Variants in SP140L observed in about 807,000 individuals in gnomAD.
SP140L encodes the protein SP140 like nuclear body protein.
Under a neutral mutation model 84.3 loss-of-function variants are expected in SP140L, and 64 were observed. The ratio of observed to expected loss-of-function variants is 0.76; its 90% CI spans 0.62 to 0.94. The LOEUF is 0.94. Ranked by LOEUF, SP140L falls within the 40% of genes least tolerant of loss-of-function variation. The pLI is 0.00. For missense variants in SP140L, 628 were observed against 692.5 expected, an observed-to-expected ratio of 0.91 and a Z score of 1.05; for synonymous variants, 242 against 236.9, an observed-to-expected ratio of 1.02 and a Z score of -0.20.
intron 7 of SP140L, 43 bp from the exon 8 acceptor site, chr2:230,383,467 T>G: frequency 6.5e-7 from 1 of 1,534,094 alleles, no homozygotes; most frequent in East Asian, 2.4e-5. Context: ...AATAATTATA[T>G]TTATTCCTCT....
intron 13 of SP140L, among the ~76,000 whole-genome samples, chr2:230,394,114 GA>G (rs1261794662): frequency 6.6e-6 from 1 of 152,202 alleles, no homozygotes; most frequent in Non-Finnish European, 1.5e-5. Context: ...TATTTTACAG[GA>G]GGAGCTGACC....
At chr2:230,395,042 T>G (rs946633529) in intron 13 of SP140L, among the ~76,000 whole-genome samples, 3 of 148,868 alleles carry the variant, frequency 2.0e-5, no homozygotes, top group Admixed American at 2.0e-4. Context: ...TGGAGTGCGG[T>G]GGAGCAATCT....
At chr2:230,400,560 A>G (rs894930650) in intron 15 of SP140L, 1 of 468,656 alleles carries the variant, frequency 2.1e-6, no homozygotes, top group Non-Finnish European at 3.9e-6. Context: ...AAAAAACACC[A>G]GTTGTTTATA....
intron 4 of SP140L, among the ~76,000 whole-genome samples, chr2:230,359,624 A>T (rs527301367): frequency 6.6e-6 from 1 of 152,304 alleles, no homozygotes; most frequent in East Asian, 1.9e-4. Context: ...AATCTGAGTT[A>T]TAAGAGTTAT....
intron 5 of SP140L, among the ~76,000 whole-genome samples, chr2:230,362,442 G>A (rs1298412168): frequency 1.3e-5 from 2 of 152,054 alleles, no homozygotes; most frequent in Admixed American, 1.3e-4. Flanking sequence ...TTCAAGAGCA[G>A]GAATATTCAA....
At position 230,346,939 on chromosome 2, in the gene SP140L, G is replaced by T. The variant is rs762110706; in HGVS notation, c.108-10866G>T. On this transcript the variant is annotated intron_variant, in intron 2 of 18. Transcript: ENST00000415673. ...TCTTTTAGGGGTTTTATTTTTTGCT[G>T]ATTTTTTATGATCCTTGTATCCTCA... 8.5e-5 allele frequency among the ~76,000 whole-genome samples: 13 copies of T among 152,200 alleles called. 2 individuals carry two copies. In the Middle Eastern group the frequency reaches 0.01, roughly 119 times the overall value.
At chr2:230,397,237 G>A (rs7585646) in intron 14 of SP140L, among the ~76,000 whole-genome samples, 40,482 of 152,086 alleles carry the variant, frequency 0.27, 5,761 homozygotes, top group Non-Finnish European at 0.31. Flanking sequence ...CAGGTGGAGC[G>A]AAGATGGTCT....
chr2:230,393,286 TCAGA>T, intron 12 of SP140L, 124 bp from the exon 13 acceptor site: 2 of 991,498 alleles, frequency 2.0e-6, no homozygotes, highest in Non-Finnish European at 2.9e-6. Flanking sequence ...GGTTTCTCAT[TCAGA>T]CACACTGGGT....
intron 14 of SP140L, among the ~76,000 whole-genome samples, chr2:230,397,655 G>A (rs190274663): frequency 6.6e-6 from 1 of 152,120 alleles, no homozygotes; most frequent in Admixed American, 6.5e-5. Flanking sequence ...AACTCCAGGG[G>A]GCAGGACTCA....
intron 2 of SP140L, among the ~76,000 whole-genome samples, chr2:230,332,967 C>A (rs922836256): frequency 5.9e-5 from 9 of 152,120 alleles, no homozygotes; most frequent in Non-Finnish European, 1.0e-4. Flanking sequence ...TGGCTTACCG[C>A]ATTATCCAGT....
chr2:230,358,962 A>C lies in SP140L; in HGVS notation c.271-2A>C, dbSNP rs2060632293. The C allele has an allele frequency of 6.4e-7, 1 of 1,564,776 alleles. No individual in the cohort carries two copies. Among genetic ancestry groups the C allele is most frequent in the Non-Finnish European group, 8.6e-7 (1 of 1,161,970 alleles). ...TATTTTCTCCATTCAATATTTTTAA[A>C]GGATTCTGAAGATTCTTGTAGAAAC... is the stretch of plus-strand genomic sequence containing the variant. On this transcript the variant is annotated splice_acceptor_variant, in intron 3 of 18. Transcript: ENST00000415673. LOFTEE classifies it high-confidence loss of function.
chr2:230,330,762 A>G (rs1206011825), intron 2 of SP140L, among the ~76,000 whole-genome samples: 1 of 152,172 alleles, frequency 6.6e-6, no homozygotes, highest in Non-Finnish European at 1.5e-5. Context: ...CTGAGGTTTC[A>G]TTTAGTCATA....
intron 18 of SP140L, among the ~76,000 whole-genome samples, chr2:230,402,289 T>C (rs1277747357): frequency 1.3e-5 from 2 of 152,186 alleles, no homozygotes; most frequent in East Asian, 1.9e-4. Context: ...ATCTGAATTG[T>C]TGAAAGAACC....
chr2:230,366,454 T>A (rs2060872648), intron 5 of SP140L, among the ~76,000 whole-genome samples: 1 of 151,930 alleles, frequency 6.6e-6, no homozygotes, highest in African/African-American at 2.4e-5. Flanking sequence ...CTTCTTTGGT[T>A]TGCATTTGCG....
chr2:230,357,814 G>A lies in SP140L; in HGVS notation c.117G>A (p.Thr39=), dbSNP rs774471260. Residue 39 remains threonine (T), a synonymous_variant, in exon 3 of 19, where the codon ACG becomes ACA. Transcript: ENST00000415673. The part of the protein sequence containing the change: ...AHSQSLQRLF[T]EDQDVDEGLV... ...TGTCCTTTTTCCTTAGGCTGTTCAC[G>A]GAAGACCAGGATGTAGATGAGGGAC... 4.3e-5 allele frequency: 69 copies of A among 1,609,682 alleles called. No individual in the cohort carries two copies. Among genetic ancestry groups the A allele is most frequent in the Middle Eastern group, 1.6e-4 (1 of 6,066 alleles).
At chr2:230,402,758 G>C (rs2062411183) in intron 18 of SP140L, 40 bp from the exon 19 acceptor site, 5 of 1,502,316 alleles carry the variant, frequency 3.3e-6, no homozygotes, top group South Asian at 2.3e-5. Context: ...TGACACTAAT[G>C]ATAAGGAACA....
intron 2 of SP140L, among the ~76,000 whole-genome samples, chr2:230,353,466 G>A (rs769161936): frequency 3.9e-5 from 6 of 151,972 alleles, no homozygotes; most frequent in Non-Finnish European, 5.9e-5. Flanking sequence ...AAAAAACTAA[G>A]GGTGAATTGT....
chr2:230,402,211 T>C (rs1443298285), intron 18 of SP140L, among the ~76,000 whole-genome samples: 1 of 152,170 alleles, frequency 6.6e-6, no homozygotes, highest in Non-Finnish European at 1.5e-5. Flanking sequence ...CCAACAAGGA[T>C]TGCCAGCAAG....
intron 2 of SP140L, among the ~76,000 whole-genome samples, chr2:230,351,898 C>G (rs2060375830): frequency 6.6e-6 from 1 of 152,198 alleles, no homozygotes; most frequent in South Asian, 2.1e-4. Flanking sequence ...CCACCCGCGC[C>G]AGCGTCCCAG....
Sources: gnomAD v4.1 joint callset for allele counts (sites outside exome capture counted in the v4.1 genomes callset) on GRCh38, gnomAD v4.1.1 for gene constraint, MANE v1.5 for transcripts, NCBI Gene and HGNC (gene_info 2026-07-23, HGNC 2026-07-21) for gene names.